The following TNFSF4 variants were observed in gnomAD, a reference collection of about 807,000 sequenced individuals.
TNFSF4 encodes the protein tumor necrosis factor ligand superfamily member 4.
A neutral mutation model predicts 7.3 loss-of-function variants in TNFSF4; 4 were observed. The observed-to-expected ratio is 0.55, with a 90% CI of 0.27 to 1.25. TNFSF4 has a LOEUF of 1.25. Ranked by LOEUF, TNFSF4 falls within the 50% of genes most tolerant of loss-of-function variation. The probability of loss-of-function intolerance (pLI) is 0.12; values close to 1 mark genes in which losing one functional copy is unlikely to be tolerated. For missense variants in TNFSF4, 181 were observed against 208.8 expected, an observed-to-expected ratio of 0.87 and a Z score of 0.82; for synonymous variants, 76 against 83.7, an observed-to-expected ratio of 0.91 and a Z score of 0.50.
rs1379004590 is a variant in TNFSF4, at chr1:173,185,767, A to T, written c.*749T>A. 4 of 152,246 alleles carry T rather than the reference A, an allele frequency of 2.6e-5. No individual in the cohort carries two copies. The allele number at this position is 152,246 out of a possible 1,614,324, so 9.4% of individuals were successfully genotyped here. On this transcript the variant is annotated 3_prime_UTR_variant, in exon 3 of 3. Coordinates refer to ENST00000281834, the MANE Select transcript of TNFSF4 (RefSeq NM_003326.5). ...AGTTATCTCACTCTCCCTGTATACA[A>T]GAAAATCTCTCTTAAGTCACTGATT...
the TNFSF4 span, among the ~76,000 whole-genome samples, chr1:173,214,583 T>TA: frequency 2.6e-5 from 4 of 152,138 alleles, no homozygotes; most frequent in African/African-American, 4.8e-5. Flanking sequence ...GCTAATGAGC[T>TA]AAAAAAAAGA....
At chr1:173,412,976 G>A in the TNFSF4 span, among the ~76,000 whole-genome samples, 11 of 152,200 alleles carry the variant, frequency 7.2e-5, no homozygotes, top group Admixed American at 6.5e-5. Context: ...TGCATCCAAG[G>A]GAATAGTGTG....
the TNFSF4 span, among the ~76,000 whole-genome samples, chr1:173,425,016 C>A: frequency 5.9e-5 from 9 of 152,220 alleles, no homozygotes; most frequent in Admixed American, 3.3e-4. Flanking sequence ...AGCATTGAGT[C>A]ATGCAATGAC....
the TNFSF4 span, among the ~76,000 whole-genome samples, chr1:173,280,259 G>A: frequency 3.3e-5 from 5 of 152,042 alleles, no homozygotes. Context: ...AAGAGAGGCT[G>A]GATACCACTC....
At chr1:173,276,189 G>A in the TNFSF4 span, among the ~76,000 whole-genome samples, 2 of 152,158 alleles carry the variant, frequency 1.3e-5, no homozygotes, top group South Asian at 2.1e-4. Flanking sequence ...AGAGAAGACC[G>A]GTGACATTGT....
chr1:173,246,452 C>T, the TNFSF4 span, among the ~76,000 whole-genome samples: 1 of 152,146 alleles, frequency 6.6e-6, no homozygotes, highest in African/African-American at 2.4e-5. Context: ...AAGACACATG[C>T]ACACATATAT....
chr1:173,252,169 G>GATTCTTCC, the TNFSF4 span, among the ~76,000 whole-genome samples: 1 of 151,726 alleles, frequency 6.6e-6, no homozygotes, highest in Non-Finnish European at 1.5e-5. Flanking sequence ...TCAAAATACT[G>GATTCTTCC]ATTCTTCCAC....
the TNFSF4 span, among the ~76,000 whole-genome samples, chr1:173,351,269 C>T: frequency 1.3e-5 from 2 of 152,204 alleles, no homozygotes; most frequent in Non-Finnish European, 2.9e-5. Flanking sequence ...TAGCTGGTCT[C>T]TTCTCTTAGC....
the TNFSF4 span, among the ~76,000 whole-genome samples, chr1:173,312,844 T>G: frequency 6.6e-6 from 1 of 152,114 alleles, no homozygotes; most frequent in African/African-American, 2.4e-5. Flanking sequence ...TAGAAAGAAG[T>G]ACCTGCTACA....
intron 1 of TNFSF4, among the ~76,000 whole-genome samples, chr1:173,197,395 T>C (rs534478133): frequency 2.6e-5 from 4 of 152,350 alleles, no homozygotes; most frequent in East Asian, 3.9e-4. Flanking sequence ...CATATGTTCA[T>C]TGCAGCACTA....
the TNFSF4 span, among the ~76,000 whole-genome samples, chr1:173,258,757 G>C: frequency 6.6e-6 from 1 of 152,152 alleles, no homozygotes; most frequent in Non-Finnish European, 1.5e-5. Flanking sequence ...CTCTTTAGGT[G>C]GGACCCAGAT....
At chr1:173,396,312 C>T in the TNFSF4 span, among the ~76,000 whole-genome samples, 32 of 152,258 alleles carry the variant, frequency 2.1e-4, no homozygotes, top group Non-Finnish European at 3.4e-4. Flanking sequence ...GAATGCGAGA[C>T]CAGGCTGGGC....
the TNFSF4 span, among the ~76,000 whole-genome samples, chr1:173,236,200 G>A: frequency 6.6e-6 from 1 of 152,228 alleles, no homozygotes; most frequent in South Asian, 2.1e-4. Context: ...TCTACCAGTA[G>A]TCTCCTCATC....
the TNFSF4 span, among the ~76,000 whole-genome samples, chr1:173,397,805 T>C: frequency 1.3e-5 from 2 of 152,078 alleles, no homozygotes; most frequent in South Asian, 2.1e-4. Context: ...CCCAGAGGAA[T>C]TGCAGAGATT....
At chr1:173,439,578 C>T in the TNFSF4 span, among the ~76,000 whole-genome samples, 52 of 152,270 alleles carry the variant, frequency 3.4e-4, no homozygotes, top group African/African-American at 1.2e-3. Context: ...CTATCCCTCA[C>T]AGAAGTCAGG....
the TNFSF4 span, among the ~76,000 whole-genome samples, chr1:173,265,435 G>A: frequency 7.2e-5 from 11 of 152,104 alleles, no homozygotes; most frequent in Non-Finnish European, 1.5e-4. Flanking sequence ...AGTTAGCTGC[G>A]ATCTGTAGAC....
chr1:173,265,322 C>T, the TNFSF4 span, among the ~76,000 whole-genome samples: 3 of 152,272 alleles, frequency 2.0e-5, no homozygotes, highest in Admixed American at 6.5e-5. Context: ...GGTCTGGAAA[C>T]GTGTTTCCTT....
chr1:173,363,272 C>T, the TNFSF4 span: 3 of 309,616 alleles, frequency 9.7e-6, no homozygotes, highest in South Asian at 9.6e-5. Context: ...GATGTCCTCT[C>T]CCTTTCTGCA....
the TNFSF4 span, among the ~76,000 whole-genome samples, chr1:173,317,366 C>T: frequency 2.0e-5 from 3 of 152,306 alleles, no homozygotes; most frequent in African/African-American, 7.2e-5. Context: ...TTACTCAATA[C>T]GCTTCTTGGC....
Sources: allele counts gnomAD v4.1 joint callset (sites outside exome capture counted in the v4.1 genomes callset), GRCh38; gene constraint gnomAD v4.1.1; transcripts MANE v1.5; gene names NCBI Gene and HGNC (gene_info 2026-07-23, HGNC 2026-07-21).